Variants in CNTNAP2 observed in about 807,000 individuals in gnomAD.
The protein encoded by CNTNAP2 is contactin associated protein 2, also known as contactin-associated protein-like 2.
In CNTNAP2, 98 loss-of-function variants were observed where a neutral mutation model predicts 155.2. The ratio of observed to expected loss-of-function variants is 0.63; its 90% CI spans 0.54 to 0.75. CNTNAP2 has a LOEUF of 0.75. CNTNAP2 is among the 30% of genes least tolerant of loss of function. CNTNAP2 has a pLI of 0.00. For missense variants in CNTNAP2, 1,727 were observed against 1,688.1 expected, an observed-to-expected ratio of 1.02 and a Z score of -0.40; for synonymous variants, 651 against 631.2, an observed-to-expected ratio of 1.03 and a Z score of -0.47.
chr7:147,347,500 A>G (rs116204825), intron 9 of CNTNAP2, among the ~76,000 whole-genome samples: 2,691 of 121,364 alleles, frequency 0.022, 104 homozygotes, highest in African/African-American at 0.068. Context: ...ATGCATATAT[A>G]TGTGTGTGTG....
intron 10 of CNTNAP2, among the ~76,000 whole-genome samples, chr7:147,432,296 T>A (rs1797478890): frequency 6.6e-6 from 1 of 151,984 alleles, no homozygotes; most frequent in African/African-American, 2.4e-5. Context: ...GCAAATTGTG[T>A]CCAGACATTG....
intron 15 of CNTNAP2, among the ~76,000 whole-genome samples, chr7:147,981,125 G>A (rs374929033): frequency 2.0e-5 from 3 of 152,190 alleles, no homozygotes; most frequent in African/African-American, 7.2e-5. Context: ...TTTGAAAATG[G>A]CATTTACACA....
At chr7:146,603,262 A>G (rs1419340128) in intron 1 of CNTNAP2, among the ~76,000 whole-genome samples, 1 of 150,706 alleles carries the variant, frequency 6.6e-6, no homozygotes, top group African/African-American at 2.4e-5. Context: ...AATACAAAAC[A>G]TTAGCCGGGC....
intron 1 of CNTNAP2, among the ~76,000 whole-genome samples, chr7:146,454,784 A>G (rs930766404): frequency 2.0e-5 from 3 of 152,126 alleles, no homozygotes; most frequent in African/African-American, 7.2e-5. Context: ...TAGATAGATA[A>G]TAGATAAAAA....
At chr7:148,135,995 G>GGAAA (rs1321814309) in intron 16 of CNTNAP2, among the ~76,000 whole-genome samples, 1 of 32,676 alleles carries the variant, frequency 3.1e-5, no homozygotes, top group Non-Finnish European at 5.7e-5. Flanking sequence ...AAGGAAGGAA[G>GGAAA]GAAGGAAGGA....
At chr7:147,445,885 C>T (rs542186298) in intron 10 of CNTNAP2, among the ~76,000 whole-genome samples, 70 of 152,076 alleles carry the variant, frequency 4.6e-4, no homozygotes, top group Admixed American at 2.7e-3. Context: ...GCCTTGACTT[C>T]GTGGGCTCAA....
At chr7:148,089,454 G>A (rs183713588) in intron 15 of CNTNAP2, among the ~76,000 whole-genome samples, 170 of 151,916 alleles carry the variant, frequency 1.1e-3, no homozygotes, top group Non-Finnish European at 2.0e-3. Context: ...ATTCACTAAA[G>A]TTGTAGGATA....
intron 10 of CNTNAP2, among the ~76,000 whole-genome samples, chr7:147,455,468 C>T (rs1434010006): frequency 6.6e-6 from 1 of 152,010 alleles, no homozygotes; most frequent in African/African-American, 2.4e-5. Flanking sequence ...GTTTCAAAAC[C>T]TCATACAATT....
At chr7:146,566,043 T>A (rs1798352269) in intron 1 of CNTNAP2, among the ~76,000 whole-genome samples, 1 of 152,238 alleles carries the variant, frequency 6.6e-6, no homozygotes, top group Non-Finnish European at 1.5e-5. Flanking sequence ...GGCTGCAGCC[T>A]CTTTGCAATT....
intron 18 of CNTNAP2, among the ~76,000 whole-genome samples, chr7:148,174,420 G>C (rs1024527): frequency 0.93 from 139,925 of 151,078 alleles, 64,936 homozygotes; most frequent in Non-Finnish European, 0.98. Flanking sequence ...TCCTGTGACC[G>C]CCCCCCACCT....
chr7:147,861,062 G>A (rs1184128483), intron 13 of CNTNAP2, among the ~76,000 whole-genome samples: 1 of 152,110 alleles, frequency 6.6e-6, no homozygotes, highest in East Asian at 1.9e-4. Flanking sequence ...TGCTTTTCTT[G>A]TAGGTGTTCC....
At chr7:147,783,342 A>G (rs1011911651) in intron 13 of CNTNAP2, among the ~76,000 whole-genome samples, 13 of 152,186 alleles carry the variant, frequency 8.5e-5, no homozygotes, top group Non-Finnish European at 1.9e-4. Context: ...TTGCAAGCAC[A>G]TTTTAAGTTT....
chr7:147,077,668 G>C (rs1800023595), intron 4 of CNTNAP2, among the ~76,000 whole-genome samples: 1 of 152,054 alleles, frequency 6.6e-6, no homozygotes, highest in South Asian at 2.1e-4. Flanking sequence ...AGCCAGCCTA[G>C]CTTGAAATTT....
intron 15 of CNTNAP2, among the ~76,000 whole-genome samples, chr7:148,049,578 C>T (rs992781402): frequency 2.0e-5 from 3 of 152,138 alleles, no homozygotes; most frequent in Admixed American, 6.5e-5. Context: ...GTGGACCGCA[C>T]AGATAACAGC....
At chr7:147,391,292 T>G (rs1348576550) in intron 9 of CNTNAP2, among the ~76,000 whole-genome samples, 1 of 152,160 alleles carries the variant, frequency 6.6e-6, no homozygotes, top group African/African-American at 2.4e-5. Flanking sequence ...GTCATGCTGT[T>G]TCCCGGACAT....
At chr7:147,421,599 G>GTGTGTGTGTGTGTGTGTA (rs1797292052) in intron 10 of CNTNAP2, among the ~76,000 whole-genome samples, 1 of 151,434 alleles carries the variant, frequency 6.6e-6, no homozygotes, top group Non-Finnish European at 1.5e-5. Flanking sequence ...GTGTGTGTGT[G>GTGTGTGTGTGTGTGTGTA]TGTGTGTGTG....
chr7:146,345,627 C>T (rs1437709983), intron 1 of CNTNAP2, among the ~76,000 whole-genome samples: 2 of 151,988 alleles, frequency 1.3e-5, no homozygotes, highest in Non-Finnish European at 2.9e-5. Flanking sequence ...AGCATGATAC[C>T]TTAGAACCAT....
intron 11 of CNTNAP2, among the ~76,000 whole-genome samples, chr7:147,539,342 T>C (rs149781128): frequency 9.2e-5 from 14 of 152,266 alleles, no homozygotes; most frequent in African/African-American, 3.4e-4. Flanking sequence ...GCTATTCCCC[T>C]TCTACAGATA....
intron 1 of CNTNAP2, among the ~76,000 whole-genome samples, chr7:146,593,171 T>A (rs1464445441): frequency 2.0e-5 from 3 of 150,460 alleles, no homozygotes; most frequent in Non-Finnish European, 4.4e-5. Flanking sequence ...ATTATTAATA[T>A]TATTATTATT....
Sources: gnomAD v4.1 joint callset for allele counts (sites outside exome capture counted in the v4.1 genomes callset) on GRCh38, gnomAD v4.1.1 for gene constraint, MANE v1.5 for transcripts, NCBI Gene and HGNC (gene_info 2026-07-23, HGNC 2026-07-21) for gene names.